Variants in STK3 observed in about 807,000 individuals in gnomAD.
The protein encoded by STK3 is serine/threonine-protein kinase 3.
STK3 carries 41 observed loss-of-function variants against 58.0 expected under a neutral mutation model. That is an observed-to-expected ratio of 0.71 (90% confidence interval 0.55 to 0.92). The LOEUF is 0.92. STK3 is among the 40% of genes least tolerant of loss of function. The pLI is 0.00. For synonymous variants in STK3, 170 were observed against 191.0 expected (o/e 0.89, Z 0.91); for missense variants, 479 against 602.7 (o/e 0.79, Z 2.15).
chr8:98,421,025 T>C (rs1360416581), intron 3 of STK3, among the ~76,000 whole-genome samples: 1 of 152,204 alleles, frequency 6.6e-6, no homozygotes, highest in Non-Finnish European at 1.5e-5. Context: ...CGGGGCTGGC[T>C]CTTCATTTTC....
At chr8:98,750,671 G>A (rs1177057720) in intron 3 of STK3, among the ~76,000 whole-genome samples, 1 of 151,136 alleles carries the variant, frequency 6.6e-6, no homozygotes, top group Admixed American at 6.6e-5. Context: ...TCTAGCAGAT[G>A]TACAAAGAAG....
chr8:98,555,046 C>T lies in STK3; in HGVS notation c.949-6885G>A, dbSNP rs1811489579. On this transcript the variant is annotated intron_variant, in intron 8 of 10. Transcript: ENST00000419617. Reference sequence around the variant, plus strand: ...CCAGTAAGGAATACAATAGCATTTTCAATCAGTGGCCATCATGTGCCAGGA... The same window carrying T: ...CCAGTAAGGAATACAATAGCATTTTTAATCAGTGGCCATCATGTGCCAGGA... Among the ~76,000 whole-genome samples, 3 of 152,216 alleles carry T rather than the reference C, an allele frequency of 2.0e-5. No homozygotes were observed. In the South Asian group the frequency reaches 6.2e-4, roughly 32 times the overall value.
chr8:98,665,213 C>T (rs982325594), intron 6 of STK3, among the ~76,000 whole-genome samples: 7 of 152,238 alleles, frequency 4.6e-5, no homozygotes, highest in Admixed American at 2.0e-4. Flanking sequence ...GATTACGTTA[C>T]GTAATTCACA....
intron 6 of STK3, among the ~76,000 whole-genome samples, chr8:98,629,993 T>C (rs1471556444): frequency 1.3e-5 from 2 of 152,190 alleles, no homozygotes; most frequent in East Asian, 1.9e-4. Context: ...TATGTGACTA[T>C]GCCGACATTA....
chr8:98,796,951 C>A (rs1049430709), intron 1 of STK3, among the ~76,000 whole-genome samples: 7 of 152,140 alleles, frequency 4.6e-5, no homozygotes, highest in Non-Finnish European at 1.0e-4. Flanking sequence ...AGTCAGGCCT[C>A]GGATTTCTGG....
chr8:98,517,947 A>T (rs1324221940), intron 10 of STK3, among the ~76,000 whole-genome samples: 1 of 152,102 alleles, frequency 6.6e-6, no homozygotes, highest in African/African-American at 2.4e-5. Flanking sequence ...ACTTCCTTAG[A>T]CATCAACATT....
the STK3 span, among the ~76,000 whole-genome samples, chr8:98,350,337 T>G: frequency 6.6e-6 from 1 of 152,230 alleles, no homozygotes; most frequent in Admixed American, 6.5e-5. Context: ...AATTTCATTG[T>G]CTGTATCATT....
intron 6 of STK3, among the ~76,000 whole-genome samples, chr8:98,692,734 A>G (rs926933464): frequency 4.6e-5 from 7 of 152,074 alleles, no homozygotes; most frequent in East Asian, 1.9e-4. Context: ...TATGTTATAT[A>G]TTACTCATTA....
In STK3 at chr8:98,939,976, A is replaced by G. The variant is rs1840345532; in HGVS notation, c.-79+2402T>C. 2.6e-5 allele frequency among the ~76,000 whole-genome samples: 4 copies of G among 152,354 alleles called. No homozygotes were observed. The South Asian group carries it at 8.3e-4, about 32-fold the overall frequency. ...GGACACTGAAGCGCTTGGTTCGAAAAGCACCATGAATTCGAAGCAGCCTTG... is the reference window on the plus strand; with the variant it reads ...GGACACTGAAGCGCTTGGTTCGAAAGGCACCATGAATTCGAAGCAGCCTTG... On this transcript the variant is annotated intron_variant, in intron 1 of 1. Transcript: ENST00000519420.
intron 6 of STK3, among the ~76,000 whole-genome samples, chr8:98,652,102 A>C (rs193078154): frequency 1.3e-5 from 2 of 152,338 alleles, no homozygotes; most frequent in East Asian, 3.9e-4. Flanking sequence ...GTTACCCACA[A>C]AGGGAAGCCC....
chr8:98,376,290 T>C (rs1345775766), intron 2 of STK3, among the ~76,000 whole-genome samples: 1 of 152,212 alleles, frequency 6.6e-6, no homozygotes, highest in Non-Finnish European at 1.5e-5. Flanking sequence ...TACTGTTGAG[T>C]TTTGAGAATT....
At chr8:98,706,857 C>T (rs1379628637) in intron 5 of STK3, among the ~76,000 whole-genome samples, 1 of 152,160 alleles carries the variant, frequency 6.6e-6, no homozygotes, top group Non-Finnish European at 1.5e-5. Flanking sequence ...CATCATTAAA[C>T]ACAGTCATTA....
chr8:98,751,417 C>T (rs1020186708), intron 3 of STK3, among the ~76,000 whole-genome samples: 4 of 152,276 alleles, frequency 2.6e-5, no homozygotes, highest in African/African-American at 9.6e-5. Context: ...TCTCAGGATA[C>T]AAAAGCAATG....
At chr8:98,696,054 T>G (rs1194569144) in intron 6 of STK3, among the ~76,000 whole-genome samples, 1 of 152,120 alleles carries the variant, frequency 6.6e-6, no homozygotes, top group Non-Finnish European at 1.5e-5. Flanking sequence ...CAGTGGTTTG[T>G]AGTTCTCCTT....
At chr8:98,806,230 A>G (rs1483021280) in intron 1 of STK3, among the ~76,000 whole-genome samples, 2 of 152,202 alleles carry the variant, frequency 1.3e-5, no homozygotes, top group Admixed American at 1.3e-4. Context: ...AATGAAAACA[A>G]ATTTGCTAAC....
chr8:98,565,032 T>C (rs900385993), intron 8 of STK3, among the ~76,000 whole-genome samples: 1 of 152,146 alleles, frequency 6.6e-6, no homozygotes, highest in Non-Finnish European at 1.5e-5. Flanking sequence ...AACCTAAAAC[T>C]ATTCAAAAAT....
chr8:98,831,414 A>T lies in STK3; in HGVS notation c.110+52233T>A, dbSNP rs546656349. On this transcript the variant is annotated intron_variant, in intron 3 of 12. Transcript: ENST00000523601. Reference sequence around the variant, plus strand: ...ACTATAGGCATCCACCACCATGCCCAGCTAAGTTTACTTTTGAGTTTTGTA... The same window carrying T: ...ACTATAGGCATCCACCACCATGCCCTGCTAAGTTTACTTTTGAGTTTTGTA... Among the ~76,000 whole-genome samples, 6 of 152,288 alleles carry T rather than the reference A, an allele frequency of 3.9e-5. No individual in the cohort carries two copies. In the South Asian group the frequency reaches 8.3e-4, roughly 21 times the overall value.
intron 1 of STK3, among the ~76,000 whole-genome samples, chr8:98,812,188 GAAGT>G (rs1253536381): frequency 6.6e-6 from 1 of 152,164 alleles, no homozygotes; most frequent in South Asian, 2.1e-4. Context: ...GTTTAGCTCT[GAAGT>G]AATAAAGTTG....
intron 10 of STK3, among the ~76,000 whole-genome samples, chr8:98,460,662 G>A (rs912887106): frequency 1.3e-5 from 2 of 152,090 alleles, no homozygotes; most frequent in African/African-American, 4.8e-5. Context: ...GGAGGTGACT[G>A]GATCATGGGG....
Sources: gnomAD v4.1 joint callset for allele counts (sites outside exome capture counted in the v4.1 genomes callset) on GRCh38, gnomAD v4.1.1 for gene constraint, MANE v1.5 for transcripts, NCBI Gene and HGNC (gene_info 2026-07-23, HGNC 2026-07-21) for gene names.